NDST4: variants seen among roughly 807,000 people sequenced by gnomAD.
The protein encoded by NDST4 is N-heparan sulfate sulfotransferase 4.
Under a neutral mutation model 100.8 loss-of-function variants are expected in NDST4, and 63 were observed. The ratio of observed to expected loss-of-function variants is 0.62; its 90% confidence interval spans 0.51 to 0.77. The LOEUF (loss-of-function observed/expected upper bound fraction) is 0.77. NDST4 is among the 30% of genes least tolerant of loss of function. NDST4 has a pLI of 0.00. For missense variants in NDST4, 943 were observed against 1,018.4 expected (o/e 0.93, Z 1.01); for synonymous variants, 377 against 361.8 (o/e 1.04, Z -0.48).
At chr4:114,894,634 T>G (rs955769975) in intron 6 of NDST4, among the ~76,000 whole-genome samples, 1 of 152,186 alleles carries the variant, frequency 6.6e-6, no homozygotes, top group South Asian at 2.1e-4. Flanking sequence ...TTCAAGAAAC[T>G]TTTGGGCTGA....
intron 7 of NDST4, among the ~76,000 whole-genome samples, chr4:114,863,459 C>CA (rs922358693): frequency 1.3e-5 from 2 of 152,164 alleles, no homozygotes; most frequent in Admixed American, 1.3e-4. Context: ...ATCTTCCCTC[C>CA]AAAAAAGCTA....
chr4:114,987,637 A>G (rs1382853160), intron 2 of NDST4, among the ~76,000 whole-genome samples: 1 of 152,200 alleles, frequency 6.6e-6, no homozygotes, highest in Non-Finnish European at 1.5e-5. Flanking sequence ...AATGTCTGTG[A>G]AAAAATAATT....
intron 1 of NDST4, among the ~76,000 whole-genome samples, chr4:115,092,223 C>A (rs1031623441): frequency 2.6e-5 from 4 of 151,964 alleles, no homozygotes; most frequent in African/African-American, 9.7e-5. Context: ...AGACCCCCAA[C>A]CTAAAAGGAA....
intron 9 of NDST4, among the ~76,000 whole-genome samples, chr4:114,846,198 G>T (rs1723547108): frequency 6.6e-6 from 1 of 152,130 alleles, no homozygotes; most frequent in Non-Finnish European, 1.5e-5. Context: ...CCCATTTTGG[G>T]CATGGGAAGG....
chr4:114,902,818 C>A (rs1265961118), intron 6 of NDST4, among the ~76,000 whole-genome samples: 1 of 151,862 alleles, frequency 6.6e-6, no homozygotes, highest in African/African-American at 2.4e-5. Flanking sequence ...TTTTCAAGCT[C>A]AGAGATTTTC....
At chr4:115,034,921 C>T (rs577338567) in intron 2 of NDST4, among the ~76,000 whole-genome samples, 1 of 152,204 alleles carries the variant, frequency 6.6e-6, no homozygotes, top group South Asian at 2.1e-4. Context: ...CCTATCTATC[C>T]TCCTTTCTTC....
intron 2 of NDST4, among the ~76,000 whole-genome samples, chr4:115,022,112 CACGTTCCATATATATAT>C (rs1727845847): frequency 1.5e-5 from 2 of 130,352 alleles, no homozygotes; most frequent in Non-Finnish European, 3.0e-5. Context: ...CACGTCTATA[CACGTTCCATATATATAT>C]ACGTTCCACG....
At chr4:115,006,198 C>T (rs1727413941) in intron 2 of NDST4, among the ~76,000 whole-genome samples, 1 of 151,866 alleles carries the variant, frequency 6.6e-6, no homozygotes, top group Admixed American at 6.6e-5. Flanking sequence ...GCTAGAAGTC[C>T]TTTATGACTG....
rs1346173710 is a variant in NDST4 at position 114,935,329 on chromosome 4, G to C, written c.1413C>G (p.Leu471=). Residue 471 remains leucine (L), a synonymous_variant, in exon 6 of 14, where the codon CTC becomes CTG. Coordinates refer to ENST00000264363, the MANE Select transcript of NDST4 (RefSeq NM_022569.3). ...KGFIHNSIMV[L]PRQTCGLFTH... ...TGAACAACCCACAAGTCTGTCGAGGGAGGACCTGAGTAAAAAAGGGGAAAA... is the reference window on the plus strand; with the variant it reads ...TGAACAACCCACAAGTCTGTCGAGGCAGGACCTGAGTAAAAAAGGGGAAAA... 52 of 1,584,504 alleles carry C rather than the reference G, an allele frequency of 3.3e-5. No individual in the cohort carries two copies. Among genetic ancestry groups the C allele is most frequent in the Non-Finnish European group, 4.5e-5 (52 of 1,166,442 alleles).
chr4:115,101,829 ACT>A (rs1729735812), intron 1 of NDST4, among the ~76,000 whole-genome samples: 1 of 152,090 alleles, frequency 6.6e-6, no homozygotes, highest in Non-Finnish European at 1.5e-5. Flanking sequence ...GCAGGTGAGA[ACT>A]CTGTAAGCGA....
rs116828016 is a variant in NDST4, at chr4:115,067,431, C to A, written c.978+8628G>T. Among the ~76,000 whole-genome samples, 956 of 152,068 alleles carry A rather than the reference C, an allele frequency of 6.3e-3. 6 individuals carry two copies. The highest frequency in any genetic ancestry group is 0.011 in the Non-Finnish European group (731 of 68,002). ...ATAGAAAAGTAATAGTTTCATTTAC[C>A]AGTGTAGCCTCTCATCTTCTGTACT... is the stretch of plus-strand genomic sequence containing the variant. On this transcript the variant is annotated intron_variant, in intron 2 of 13. Coordinates refer to ENST00000264363, the MANE Select transcript of NDST4 (RefSeq NM_022569.3).
At chr4:114,955,387 G>A (rs1726114919) in intron 4 of NDST4, among the ~76,000 whole-genome samples, 1 of 152,134 alleles carries the variant, frequency 6.6e-6, no homozygotes, top group South Asian at 2.1e-4. Flanking sequence ...AAAGCCAGAG[G>A]GGAGCTTACA....
chr4:114,982,644 A>G (rs542714746), intron 2 of NDST4, among the ~76,000 whole-genome samples: 2 of 152,320 alleles, frequency 1.3e-5, no homozygotes, highest in East Asian at 1.9e-4. Flanking sequence ...CAGCCTGACC[A>G]TATGGTAGAA....
intron 6 of NDST4, among the ~76,000 whole-genome samples, chr4:114,880,969 A>G (rs1021526141): frequency 6.6e-6 from 1 of 152,106 alleles, no homozygotes; most frequent in Non-Finnish European, 1.5e-5. Flanking sequence ...CATAGTGAAA[A>G]GCAATTGGTA....
chr4:115,109,888 T>G (rs1225640957), intron 1 of NDST4, among the ~76,000 whole-genome samples: 1 of 151,826 alleles, frequency 6.6e-6, no homozygotes, highest in African/African-American at 2.4e-5. Context: ...ACTATAACAA[T>G]GCAAAGAAAA....
chr4:114,970,379 C>T, intron 4 of NDST4, 51 bp downstream of exon 4: 3 of 1,525,170 alleles, frequency 2.0e-6, no homozygotes, highest in South Asian at 1.2e-5. Context: ...ACACTTCCAC[C>T]ACAAGATCAC....
Position 115,101,299 on chromosome 4 carries a change from T to C in NDST4, c.-247+12145A>G, listed in dbSNP as rs140588902. Among the ~76,000 whole-genome samples the C allele has an allele frequency of 4.3e-3, 652 of 152,248 alleles. 2 individuals are homozygous for C. Among genetic ancestry groups the C allele is most frequent in the Non-Finnish European group, 6.9e-3 (467 of 67,980 alleles). ...AGGAGAAAATGAGTAAATTATAATATATCATTTTTGAAAAGTCTGTGAAAT... is the reference window on the plus strand; with the variant it reads ...AGGAGAAAATGAGTAAATTATAATACATCATTTTTGAAAAGTCTGTGAAAT... On this transcript the variant is annotated intron_variant, in intron 1 of 13. Transcript: ENST00000264363.
Position 115,036,706 on chromosome 4 carries a change from T to C in NDST4, c.978+39353A>G, listed in dbSNP as rs927679717. Among the ~76,000 whole-genome samples, 17 of 152,058 alleles carry C rather than the reference T, an allele frequency of 1.1e-4. No homozygotes were observed. In the East Asian group the frequency reaches 3.3e-3, roughly 29 times the overall value. ...AAGGTAGAGAATTATCATAAAGGCATACTTTAATGGTACATGAGTAATTTA... is the reference window on the plus strand; with the variant it reads ...AAGGTAGAGAATTATCATAAAGGCACACTTTAATGGTACATGAGTAATTTA... On this transcript the variant is annotated intron_variant, in intron 2 of 13. Transcript: ENST00000264363.
intron 6 of NDST4, among the ~76,000 whole-genome samples, chr4:114,925,813 T>C (rs1725375401): frequency 6.6e-6 from 1 of 152,154 alleles, no homozygotes; most frequent in African/African-American, 2.4e-5. Flanking sequence ...TATTGAAACA[T>C]ATTTGTCAAG....
Sources: allele counts gnomAD v4.1 joint callset (sites outside exome capture counted in the v4.1 genomes callset), GRCh38; gene constraint gnomAD v4.1.1; transcripts MANE v1.5; gene names NCBI Gene and HGNC (gene_info 2026-07-23, HGNC 2026-07-21).